The following PNPLA2 variants were observed in gnomAD, a reference collection of about 807,000 sequenced individuals.
PNPLA2 encodes patatin like domain 2, triacylglycerol lipase.
Under a neutral mutation model 39.7 loss-of-function variants are expected in PNPLA2, and 28 were observed. The ratio of observed to expected loss-of-function variants is 0.70; its 90% confidence interval spans 0.52 to 0.97. The LOEUF is 0.97. PNPLA2 is among the 50% of genes least tolerant of loss of function. PNPLA2 has a pLI of 0.00. For missense variants in PNPLA2, 768 were observed against 698.2 expected (o/e 1.10, Z -1.13); for synonymous variants, 392 against 321.1 (o/e 1.22, Z -2.36).
Position 824,963 on chromosome 11 carries a change from G to T in PNPLA2, c.*101G>T. ...TTGCCAAGAGGGGTCTTTGCCGTGG[G>T]CCCCCTCGCCAGCCACTCACCAGCT... On this transcript the variant is annotated 3_prime_UTR_variant, in exon 10 of 10. Transcript: ENST00000336615. 1.0e-6 allele frequency: 1 copy of T among 984,350 alleles called. No individual in the cohort carries two copies. 61.0% of individuals were successfully genotyped at this position (984,350 alleles called of 1,614,324 possible).
At chr11:822,721 T>A in intron 5 of PNPLA2, 115 bp downstream of exon 5, 1 of 890,524 alleles carries the variant, frequency 1.1e-6, no homozygotes, top group Non-Finnish European at 1.8e-6. Context: ...GAGCCTCTTC[T>A]GAGGGCTGGG....
chr11:823,465 A>T, intron 5 of PNPLA2, 62 bp from the exon 6 acceptor site: 2 of 1,491,862 alleles, frequency 1.3e-6, no homozygotes, highest in East Asian at 4.9e-5. Flanking sequence ...GGTGCCAGGG[A>T]TTCCAGGGGC....
chr11:820,222 G>A (rs1321918387), intron 2 of PNPLA2, among the ~76,000 whole-genome samples: 2 of 152,354 alleles, frequency 1.3e-5, no homozygotes, highest in South Asian at 2.1e-4. Flanking sequence ...TCCGAGGAGG[G>A]ACCTAAGTCA....
At position 823,606 on chromosome 11, in the gene PNPLA2, G is replaced by A. The variant is rs1447928751; in HGVS notation, c.757+19G>A. The A allele has an allele frequency of 6.2e-7, 1 of 1,603,528 alleles. No individual in the cohort carries two copies. The highest frequency in any genetic ancestry group is 1.3e-5 in the African/African-American group (1 of 74,730). On this transcript the variant is annotated intron_variant, in intron 6 of 9. Transcript: ENST00000336615. ...CGGAACGGTGCGCGGACCCGGGCGG[G>A]AGAGGGCGGGGTGGGCTCGGCTCTG...
chr11:824,843 T>C lies in PNPLA2; in HGVS notation c.1496T>C (p.Ile499Thr), dbSNP rs1320944961. 6.5e-7 allele frequency: 1 copy of C among 1,534,434 alleles called. No individual in the cohort carries two copies. Among genetic ancestry groups the C allele is most frequent in the East Asian group, 2.4e-5 (1 of 40,850 alleles). ...CCTGCTCCCGAGGCCCGGCCCGTGA[T>C]CGGGGCCCTGGGGCTGTGAGACCCC... is the stretch of plus-strand genomic sequence containing the variant. ...STPAPEARPV[I>T]GALGL Residue 499 changes from isoleucine (I) to threonine (T), a missense_variant, in exon 10 of 10, where the codon ATC (isoleucine) becomes ACC (threonine). Transcript: ENST00000336615.
rs879035055 is a variant in PNPLA2, at chr11:824,401, C to A, written c.1140C>A (p.Arg380=). The change falls in exon 9 of 10, where the codon CGC becomes CGA. Residue 380 remains arginine, a synonymous_variant. Transcript: ENST00000336615. ...GCATCTGCCAGTACCTGGTGATGCG[C>A]GCCAAGAGGAAGCTGGGCAGGCACC... ...TGSICQYLVM[R]AKRKLGRHLP... is the part of the protein sequence containing the mutation. 6.4e-7 allele frequency: 1 copy of A among 1,554,396 alleles called. No homozygotes were observed. The highest frequency in any genetic ancestry group is 2.4e-5 in the East Asian group (1 of 41,232).
chr11:822,597 G>A lies in PNPLA2; in HGVS notation c.687G>A (p.Pro229=), dbSNP rs371893260. 29 of 1,613,114 alleles carry A rather than the reference G, an allele frequency of 1.8e-5. No homozygotes were observed. The Admixed American group carries it at 2.7e-4, about 15-fold the overall frequency. The change falls in exon 5 of 10, where the codon CCG becomes CCA. Residue 229 remains proline, a synonymous_variant. Transcript: ENST00000336615. ...LYRLSKALFP[P]EPLVLREMCK... ...GCCTCTCCAAGGCCCTCTTCCCGCC[G>A]GAGCCCCTGGTGAGCTCTGCTCCGA...
rs1386057539 is a variant in PNPLA2 at position 824,741 on chromosome 11, C to T, written c.1394C>T (p.Ala465Val). The stretch of plus-strand genomic sequence containing the variant: ...GAAGCTCTGCGCATGCGCGCACCCG[C>T]CGACCCGGCTCCCGCCCCCGCGGAC... ...PPEALRMRAP[A>V]DPAPAPADPA... Residue 465 changes from alanine (A) to valine (V), a missense_variant, in exon 10 of 10, where the codon GCC becomes GTC. Coordinates refer to ENST00000336615, the MANE Select transcript of PNPLA2 (RefSeq NM_020376.4). 6.3e-7 allele frequency: 1 copy of T among 1,576,922 alleles called. No individual in the cohort carries two copies.
Position 824,569 on chromosome 11 carries a change from G to A in PNPLA2, c.1222G>A (p.Val408Met), listed in dbSNP as rs1387931915. ...ELRRVQSLPS[V>M]PLSCAAYREA... The stretch of plus-strand genomic sequence containing the variant: ...GCGCCGCGTCCAGTCGCTGCCGTCC[G>A]TGCCGCTGTCCTGCGCCGCCTACAG... Residue 408 changes from valine (V) to methionine (M), a missense_variant, in exon 10 of 10, where the codon GTG becomes ATG. Physicochemically the swap from Val to Met is conservative, Grantham distance 21. Coordinates refer to ENST00000336615, the MANE Select transcript of PNPLA2 (RefSeq NM_020376.4). 5 of 1,572,726 alleles carry A rather than the reference G, an allele frequency of 3.2e-6. No homozygotes were observed. Among genetic ancestry groups the A allele is most frequent in the African/African-American group, 2.7e-5 (2 of 74,334 alleles).
At chr11:820,746 A>G (rs529564744) in intron 2 of PNPLA2, 1 of 152,334 alleles carries the variant, frequency 6.6e-6, no homozygotes, top group Admixed American at 6.5e-5. Context: ...GGACCACAGA[A>G]GTGAACCTCT....
At chr11:823,655 C>T (rs948398235) in intron 6 of PNPLA2, 39 bp from the exon 7 acceptor site, 16 of 1,601,800 alleles carry the variant, frequency 1.0e-5, no homozygotes, top group Non-Finnish European at 1.4e-5. Flanking sequence ...GCCGCGGCCG[C>T]GCTGATGAAC....
chr11:823,451 TGGG>T (rs1308573637), intron 5 of PNPLA2, 73 bp from the exon 6 acceptor site: 9 of 1,368,866 alleles, frequency 6.6e-6, no homozygotes, highest in Non-Finnish European at 9.2e-6. Context: ...AGGTGGCTGT[TGGG>T]GGTGCCAGGG....
chr11:819,338 C>T lies in PNPLA2; in HGVS notation c.-145-236C>T, dbSNP rs149752821. The T allele has an allele frequency of 9.3e-5, 83 of 889,418 alleles. No individual in the cohort carries two copies. In the Admixed American group the frequency reaches 1.1e-3, roughly 11 times the overall value. 55.1% of individuals were successfully genotyped at this position (889,418 alleles called of 1,614,324 possible). ...AGGCTCGGGCCTGCGCCCAGCCCAC[C>T]CTACACCCCTAGGCGTGTGCCCCCA... On this transcript the variant is annotated intron_variant, in intron 1 of 9. Coordinates refer to ENST00000336615, the MANE Select transcript of PNPLA2 (RefSeq NM_020376.4).
At chr11:822,337 T>G (rs1590175900) in intron 4 of PNPLA2, 60 bp from the exon 5 acceptor site, 1 of 1,462,310 alleles carries the variant, frequency 6.8e-7, no homozygotes. Flanking sequence ...GTGGCTGGGG[T>G]GGGTGGCCAG....
rs757575326 is a variant in PNPLA2 at position 824,453 on chromosome 11, G to C, written c.1175+17G>C. 3.2e-6 allele frequency: 5 copies of C among 1,550,476 alleles called. No homozygotes were observed. Among genetic ancestry groups the C allele is most frequent in the Non-Finnish European group, 4.4e-6 (5 of 1,147,598 alleles). ...GCCCTCCAGGTGAGCCGCCGACCGCGCGTCCACCCGGGGCCCGCGGTGCTA... is the reference window on the plus strand; with the variant it reads ...GCCCTCCAGGTGAGCCGCCGACCGCCCGTCCACCCGGGGCCCGCGGTGCTA... On this transcript the variant is annotated intron_variant, in intron 9 of 9. Transcript: ENST00000336615.
In PNPLA2 at chr11:824,584, G is replaced by A. The variant is rs147465559; in HGVS notation, c.1237G>A (p.Ala413Thr). The change falls in exon 10 of 10, where the codon GCC becomes ACC. Residue 413 changes from alanine to threonine, a missense_variant. Physicochemically the swap from Ala to Thr is moderately conservative, Grantham distance 58. Transcript: ENST00000336615. ...GCTGCCGTCCGTGCCGCTGTCCTGC[G>A]CCGCCTACAGAGAGGCACTGCCCGG... is the stretch of plus-strand genomic sequence containing the variant. ...QSLPSVPLSC[A>T]AYREALPGWM... is the part of the protein sequence containing the mutation. 687 of 1,581,082 alleles carry A rather than the reference G, an allele frequency of 4.3e-4. 4 individuals are homozygous for A. In the African/African-American group the frequency reaches 7.1e-3, roughly 16 times the overall value.
At position 823,843 on chromosome 11, in the gene PNPLA2, C is replaced by T. The variant is rs772421048; in HGVS notation, c.907C>T (p.Arg303Trp). The change falls in exon 7 of 10, where the codon CGG (arginine) becomes TGG (tryptophan). Residue 303 changes from arginine to tryptophan, a missense_variant. Transcript: ENST00000336615. ...TCACATCCTGGAGCACCTGCCCGCC[C>T]GGCTCAATGAGGGTGCGCACCTGGG... ...EDHILEHLPA[R>W]LNEALLEACV... The T allele has an allele frequency of 3.1e-6, 5 of 1,588,752 alleles. No homozygotes were observed. The highest frequency in any genetic ancestry group is 1.3e-5 in the African/African-American group (1 of 74,560).
chr11:819,440 G>A, intron 1 of PNPLA2, 134 bp from the exon 2 acceptor site: 1 of 1,166,748 alleles, frequency 8.6e-7, no homozygotes. Flanking sequence ...CAGCGCGGGG[G>A]GCCGGGTCAA....
intron 4 of PNPLA2, 97 bp downstream of exon 4, chr11:822,120 C>T: frequency 1.8e-6 from 2 of 1,088,454 alleles, no homozygotes; most frequent in East Asian, 4.8e-5. Context: ...GGCCCTTGCT[C>T]TGCCACCGCC....
Sources: gnomAD v4.1 joint callset for allele counts (sites outside exome capture counted in the v4.1 genomes callset) on GRCh38, gnomAD v4.1.1 for gene constraint, MANE v1.5 for transcripts, NCBI Gene and HGNC (gene_info 2026-07-23, HGNC 2026-07-21) for gene names.